The following DYNC2LI1 variants were observed in gnomAD, a reference collection of about 807,000 sequenced individuals.
DYNC2LI1 encodes cytoplasmic dynein 2 light intermediate chain 1.
A neutral mutation model predicts 51.9 loss-of-function variants in DYNC2LI1; 45 were observed. The observed-to-expected ratio is 0.87, with a 90% CI of 0.68 to 1.11. The LOEUF (loss-of-function observed/expected upper bound fraction) is 1.11, where lower values mean the gene tolerates loss of function less well. DYNC2LI1 is among the 50% of genes most tolerant of loss of function. The probability of loss-of-function intolerance (pLI) is 0.00; values close to 1 mark genes in which losing one functional copy is unlikely to be tolerated. For synonymous variants in DYNC2LI1, 130 were observed against 137.8 expected, an observed-to-expected ratio of 0.94 and a Z score of 0.40; for missense variants, 490 against 417.4, an observed-to-expected ratio of 1.17 and a Z score of -1.51.
intron 2 of DYNC2LI1, among the ~76,000 whole-genome samples, chr2:43,783,192 C>T (rs1269012987): frequency 2.0e-5 from 3 of 152,042 alleles, no homozygotes; most frequent in African/African-American, 7.2e-5. Context: ...TCGGCTTAAC[C>T]AGTAATTAAC....
the DYNC2LI1 span, among the ~76,000 whole-genome samples, chr2:43,823,749 G>A: frequency 0.37 from 56,747 of 152,034 alleles, 11,210 homozygotes; most frequent in East Asian, 0.79. Flanking sequence ...TCATATTAAC[G>A]TGTTGGTAAC....
intron 3 of DYNC2LI1, 66 bp downstream of exon 3, chr2:43,783,620 C>G: frequency 1.9e-6 from 2 of 1,042,660 alleles, no homozygotes; most frequent in Non-Finnish European, 1.4e-6. Flanking sequence ...CAAGTTAGCT[C>G]TAAAAGACAT....
chr2:43,793,037 A>G (rs1353664838), intron 5 of DYNC2LI1: 1 of 324,972 alleles, frequency 3.1e-6, no homozygotes, highest in Non-Finnish European at 5.5e-6. Context: ...TTGCTGGATC[A>G]TCTGGTAATT....
rs182872672 is a variant in DYNC2LI1 at position 43,784,665 on chromosome 2, G to A, written c.161+1111G>A. 3.9e-4 allele frequency among the ~76,000 whole-genome samples: 59 copies of A among 152,132 alleles called. No homozygotes were observed. In the South Asian group the frequency reaches 6.4e-3, roughly 17 times the overall value. On this transcript the variant is annotated intron_variant, in intron 3 of 12. Transcript: ENST00000260605. ...GTCAGGCTGGTCTCGAACTCACGAT[G>A]TCAGGTGATCCGCCTGCCACGGCCT... is the stretch of plus-strand genomic sequence containing the variant.
chr2:43,822,760 G>A, the DYNC2LI1 span: 2 of 1,613,828 alleles, frequency 1.2e-6, no homozygotes, highest in South Asian at 2.2e-5. Context: ...ATGACTCCAT[G>A]GGAGCCCGGC....
intron 3 of DYNC2LI1, among the ~76,000 whole-genome samples, chr2:43,784,525 C>T (rs773680593): frequency 3.3e-5 from 5 of 151,996 alleles, no homozygotes; most frequent in Admixed American, 6.6e-5. Flanking sequence ...CTGCAACCTC[C>T]GCCTCCTGGG....
the DYNC2LI1 span, chr2:43,822,472 C>T: frequency 1.5e-6 from 1 of 677,288 alleles, no homozygotes; most frequent in South Asian, 6.9e-5. Context: ...TTCTCCCCTC[C>T]CCCAGGCCCC....
chr2:43,814,684 A>G, downstream of DYNC2LI1: 1 of 735,250 alleles, frequency 1.4e-6, no homozygotes, highest in South Asian at 1.7e-5. Context: ...TCCAACAGGA[A>G]TATAGTTTTC....
the DYNC2LI1 span, chr2:43,822,543 C>T: frequency 8.8e-5 from 87 of 985,026 alleles, no homozygotes; most frequent in Non-Finnish European, 9.9e-5. Flanking sequence ...CAGGCCCTGC[C>T]GTGAATGTGG....
chr2:43,820,352 G>A, the DYNC2LI1 span, among the ~76,000 whole-genome samples: 1 of 152,144 alleles, frequency 6.6e-6, no homozygotes, highest in Non-Finnish European at 1.5e-5. Flanking sequence ...AGCTCTCATA[G>A]GAAAACATTA....
At chr2:43,815,511 C>G in the DYNC2LI1 span, among the ~76,000 whole-genome samples, 1 of 152,174 alleles carries the variant, frequency 6.6e-6, no homozygotes, top group Admixed American at 6.5e-5. Context: ...ATGGTTTCAC[C>G]TATTTGCAAG....
chr2:43,826,025 G>C, the DYNC2LI1 span, among the ~76,000 whole-genome samples: 4 of 152,158 alleles, frequency 2.6e-5, no homozygotes, highest in South Asian at 6.2e-4. Context: ...ACCCAGGCTA[G>C]AGTGCAATGG....
At chr2:43,796,889 T>C (rs1665879750) in intron 8 of DYNC2LI1, 94 bp downstream of exon 8, 1 of 951,040 alleles carries the variant, frequency 1.1e-6, no homozygotes, top group Non-Finnish European at 1.7e-6. Flanking sequence ...ATAAATGCTT[T>C]TGCTAATGCA....
chr2:43,811,503 G>C (rs1446442732), downstream of DYNC2LI1, among the ~76,000 whole-genome samples: 2 of 152,022 alleles, frequency 1.3e-5, no homozygotes, highest in African/African-American at 2.4e-5. Flanking sequence ...CTCACCCAAA[G>C]TTACCATAGT....
the DYNC2LI1 span, chr2:43,828,299 T>A: frequency 1.2e-6 from 1 of 800,796 alleles, no homozygotes; most frequent in Non-Finnish European, 2.0e-6. Context: ...GCTTAAATCG[T>A]AATACATGTG....
chr2:43,804,767 A>G lies in DYNC2LI1; in HGVS notation c.900+28A>G, dbSNP rs766374473. ...ACATATTTCTAATTTTTTTAAAAGC[A>G]AGACTTTTAGCACTGTCTAACAGTT... On this transcript the variant is annotated intron_variant, in intron 11 of 12. Coordinates refer to ENST00000260605, the MANE Select transcript of DYNC2LI1 (RefSeq NM_016008.4). The G allele has an allele frequency of 2.0e-6, 3 of 1,470,706 alleles. No individual in the cohort carries two copies. In the South Asian group the frequency reaches 3.7e-5, roughly 18 times the overall value. 91.1% of individuals were successfully genotyped at this position (1,470,706 alleles called of 1,614,324 possible).
chr2:43,808,508 C>T (rs907969001), intron 12 of DYNC2LI1, among the ~76,000 whole-genome samples: 15 of 152,124 alleles, frequency 9.9e-5, no homozygotes, highest in African/African-American at 3.4e-4. Flanking sequence ...AACCTTTGTA[C>T]AGTTATTTAG....
At chr2:43,792,562 A>G in intron 5 of DYNC2LI1, 2 of 1,047,776 alleles carry the variant, frequency 1.9e-6, no homozygotes, top group Non-Finnish European at 1.3e-6. Context: ...TTAACTGTGC[A>G]GTTCAGTAAC....
At chr2:43,807,302 G>C (rs1384633782) in intron 12 of DYNC2LI1, among the ~76,000 whole-genome samples, 1 of 151,934 alleles carries the variant, frequency 6.6e-6, no homozygotes, top group Non-Finnish European at 1.5e-5. Context: ...TCTGTCTTTT[G>C]CCAGACTTCA....
Sources: allele counts gnomAD v4.1 joint callset (sites outside exome capture counted in the v4.1 genomes callset), GRCh38; gene constraint gnomAD v4.1.1; transcripts MANE v1.5; gene names NCBI Gene and HGNC (gene_info 2026-07-23, HGNC 2026-07-21).